ABCA3: variants seen among roughly 807,000 people sequenced by gnomAD.
ABCA3 encodes the protein ATP binding cassette subfamily A member 3.
Under a neutral mutation model 172.8 loss-of-function variants are expected in ABCA3, and 88 were observed. The observed-to-expected ratio is 0.51, with a 90% CI of 0.43 to 0.61. The LOEUF (loss-of-function observed/expected upper bound fraction) is 0.61, where lower values mean the gene tolerates loss of function less well. ABCA3 is among the 20% of genes least tolerant of loss of function. The probability of loss-of-function intolerance (pLI) is 0.00; values close to 1 mark genes in which losing one functional copy is unlikely to be tolerated. For synonymous variants in ABCA3, 1,066 were observed against 983.8 expected, an observed-to-expected ratio of 1.08 and a Z score of -1.56; for missense variants, 2,164 against 2,301.0, an observed-to-expected ratio of 0.94 and a Z score of 1.22.
chr16:2,284,827 G>A lies in ABCA3; in HGVS notation c.3655C>T (p.Leu1219=). ...AYTRLTIFNI[L]SGIATFLMVT... ...ATCAGGAAGGTGGCGATGCCTGACAGGATGTTGAAGATGGTCAGCCTCGTG... is the reference window on the plus strand; with the variant it reads ...ATCAGGAAGGTGGCGATGCCTGACAAGATGTTGAAGATGGTCAGCCTCGTG... The change falls in exon 24 of 33, where the codon CTG becomes TTG. Residue 1219 remains leucine (L), a synonymous_variant. Coordinates refer to ENST00000301732, the MANE Select transcript of ABCA3 (RefSeq NM_001089.3). This position sits in a 1 kb window ranked among gnomAD's most constrained non-coding sequence, Gnocchi z 5.9. The A allele has an allele frequency of 2.5e-6, 4 of 1,613,992 alleles. No individual in the cohort carries two copies. The highest frequency in any genetic ancestry group is 3.4e-6 in the Non-Finnish European group (4 of 1,179,988).
chr16:2,307,664 G>A (rs1475233664), intron 11 of ABCA3, among the ~76,000 whole-genome samples: 1 of 152,166 alleles, frequency 6.6e-6, no homozygotes, highest in Non-Finnish European at 1.5e-5. Context: ...GGAGTGCAGT[G>A]GTGCGATCTC....
At chr16:2,321,273 G>C (rs1038718954) in intron 7 of ABCA3, among the ~76,000 whole-genome samples, 3 of 152,058 alleles carry the variant, frequency 2.0e-5, no homozygotes, top group Non-Finnish European at 4.4e-5. Context: ...ACCTGTCAAG[G>C]GCATCGCTCT....
At chr16:2,313,963 C>A (rs1302369721) in intron 10 of ABCA3, among the ~76,000 whole-genome samples, 1 of 151,732 alleles carries the variant, frequency 6.6e-6, no homozygotes, top group Non-Finnish European at 1.5e-5. Flanking sequence ...AGGATGGCGA[C>A]TATAAAAAAC....
rs140086834 is a variant in ABCA3 at position 2,294,338 on chromosome 16, C to A, written c.2414+1252G>T. On this transcript the variant is annotated intron_variant, in intron 18 of 32. Coordinates refer to ENST00000301732, the MANE Select transcript of ABCA3 (RefSeq NM_001089.3). ...ACTATGCACAGCTGCGAAACACTTT[C>A]TAAGAATAAAATTAATAGAAGAAGT... Among the ~76,000 whole-genome samples, 40 of 152,048 alleles carry A rather than the reference C, an allele frequency of 2.6e-4. No homozygotes were observed. The East Asian group carries it at 7.6e-3, about 29-fold the overall frequency.
chr16:2,304,098 G>A lies in ABCA3; in HGVS notation c.1338C>T (p.Asp446=). The A allele has an allele frequency of 6.2e-7, 1 of 1,614,190 alleles. No homozygotes were observed. The highest frequency in any genetic ancestry group is 1.1e-5 in the South Asian group (1 of 91,084). The part of the protein sequence containing the change: ...DLLSPVNVDD[D]FCFGQVLGML... The stretch of plus-strand genomic sequence containing the variant: ...TCCCCAGCACCTGCCCGAAGCAGAA[G>A]TCGTCGTCCACGTTGACGGGACTCA... Residue 446 remains aspartate, a synonymous_variant, in exon 12 of 33, where the codon GAC becomes GAT. Transcript: ENST00000301732.
chr16:2,301,168 T>C (rs1323982753), intron 12 of ABCA3, among the ~76,000 whole-genome samples: 1 of 149,000 alleles, frequency 6.7e-6, no homozygotes, highest in Non-Finnish European at 1.5e-5. Flanking sequence ...GAGGCGGAGC[T>C]TGCAGTGAGC....
chr16:2,325,982 T>G (rs2093733614), intron 5 of ABCA3, 28 bp downstream of exon 5: 2 of 1,611,790 alleles, frequency 1.2e-6, no homozygotes, highest in Non-Finnish European at 8.5e-7. Context: ...CCACTAGGCC[T>G]GGCACCGAGA....
Position 2,323,823 on chromosome 16 carries a change from A to G in ABCA3, c.448-135T>C, listed in dbSNP as rs952916006. On this transcript the variant is annotated intron_variant, in intron 6 of 32. Transcript: ENST00000301732. Reference sequence around the variant, plus strand: ...ACTCCCCCGCCTCTGAGTATCTCCAACAGGCCCCGGAATGTCACACTGAGT... The same window carrying G: ...ACTCCCCCGCCTCTGAGTATCTCCAGCAGGCCCCGGAATGTCACACTGAGT... 3.6e-5 allele frequency: 38 copies of G among 1,041,948 alleles called. 1 individual carries two copies. Among genetic ancestry groups the G allele is most frequent in the Non-Finnish European group, 5.2e-5 (35 of 673,312 alleles). The allele number at this position is 1,041,948 out of a possible 1,614,324, so 64.5% of individuals were successfully genotyped here. A position where few individuals can be genotyped will look rare whatever the true frequency, so the allele number is the denominator to read the frequency against.
chr16:2,327,745 G>A (rs1023344612), intron 3 of ABCA3, among the ~76,000 whole-genome samples: 2 of 152,148 alleles, frequency 1.3e-5, no homozygotes, highest in African/African-American at 4.8e-5. Context: ...TTTGGAAACA[G>A]AGTCTTGCTC....
At chr16:2,298,742 A>G (rs2093684182) in intron 14 of ABCA3, among the ~76,000 whole-genome samples, 1 of 152,116 alleles carries the variant, frequency 6.6e-6, no homozygotes, top group Admixed American at 6.6e-5. Context: ...CAGCCCTGCC[A>G]CTGGGACGCA....
intron 3 of ABCA3, 138 bp from the exon 4 acceptor site, chr16:2,326,630 G>C: frequency 1.1e-6 from 1 of 929,596 alleles, no homozygotes; most frequent in Non-Finnish European, 1.7e-6. Flanking sequence ...AACACCCCTG[G>C]AGGGAAGGGT....
chr16:2,310,330 C>G (rs934134447), intron 10 of ABCA3, among the ~76,000 whole-genome samples: 23 of 151,712 alleles, frequency 1.5e-4, no homozygotes, highest in Non-Finnish European at 1.2e-4. Context: ...ATCGCTTGAA[C>G]CCGGGAGGTG....
chr16:2,323,563 T>C lies in ABCA3; in HGVS notation c.573A>G (p.Pro191=). Residue 191 remains proline (P), a synonymous_variant, in exon 7 of 33, where the codon CCA becomes CCG. Transcript: ENST00000301732. ...CAGGGGATGTAGGTTCCCTTGGTCC[T>C]GGGTTTGGGAAAAGCGGGAAAAGGG... is the stretch of plus-strand genomic sequence containing the variant. ...TTSLFPLFPN[P]GPREPTSPDG... is the part of the protein sequence containing the mutation. 1 of 1,614,156 alleles carries C rather than the reference T, an allele frequency of 6.2e-7. No homozygotes were observed. The highest frequency in any genetic ancestry group is 8.5e-7 in the Non-Finnish European group (1 of 1,180,010).
At chr16:2,335,028 C>T (rs1236040421) in intron 1 of ABCA3, among the ~76,000 whole-genome samples, 4 of 147,754 alleles carry the variant, frequency 2.7e-5, no homozygotes, top group Admixed American at 2.0e-4. Flanking sequence ...GGGGTTTCAC[C>T]ATGTTGGCCA....
chr16:2,317,516 G>GT, intron 9 of ABCA3, 113 bp from the exon 10 acceptor site: 1 of 1,577,744 alleles, frequency 6.3e-7, no homozygotes, highest in Non-Finnish European at 8.7e-7. Context: ...GTGGGACATT[G>GT]ACAGCTCCTC....
Position 2,319,834 on chromosome 16 carries a change from A to C in ABCA3, c.620T>G (p.Ile207Ser). 6.2e-7 allele frequency: 1 copy of C among 1,613,660 alleles called. No homozygotes were observed. Among genetic ancestry groups the C allele is most frequent in the Non-Finnish European group, 8.5e-7 (1 of 1,180,002 alleles). Residue 207 changes from isoleucine to serine, a missense_variant, in exon 8 of 33, where the codon ATC (isoleucine) becomes AGC (serine). Ile to Ser is a moderately radical substitution (Grantham distance 142). Transcript: ENST00000301732. ...CTGCACGGCCAGGAAGCCTTCCCGG[A>C]TGTACCCTGGGTGCGGGAGCAGAGG... Reference protein sequence around the residue: ...TSPDGGEPGYIREGFLAVQHA... With the variant: ...TSPDGGEPGYSREGFLAVQHA...
In ABCA3 at chr16:2,300,163, GACA is replaced by G; in HGVS notation, c.1468-18_1468-16del. 1 of 1,613,174 alleles carries G rather than the reference GACA, an allele frequency of 6.2e-7. No individual in the cohort carries two copies. Among genetic ancestry groups the G allele is most frequent in the African/African-American group, 1.3e-5 (1 of 74,738 alleles). ...CAATAGGAGGGCTGGGAGGGAAGCA[GACA>G]GCTGTCAGTTTGTTTTGTTTGTGAC... On this transcript the variant is annotated splice_polypyrimidine_tract_variant and intron_variant, in intron 12 of 32. Coordinates refer to ENST00000301732, the MANE Select transcript of ABCA3 (RefSeq NM_001089.3).
chr16:2,300,008 G>C lies in ABCA3; in HGVS notation c.1608C>G (p.Ser536=). ...LVAGIKIKHL[S]KVFRVGNKDR... ...CTGTCCCCACAGGAGGCGGCACCTT[G>C]GACAGGTGCTTGATCTTGATCCCCG... The change falls in exon 13 of 33, where the codon TCC becomes TCG. Residue 536 remains serine (S), a synonymous_variant. Transcript: ENST00000301732. 1 of 1,613,022 alleles carries C rather than the reference G, an allele frequency of 6.2e-7. No homozygotes were observed. The highest frequency in any genetic ancestry group is 8.5e-7 in the Non-Finnish European group (1 of 1,179,964).
At chr16:2,340,317 C>T (rs1169267741) in intron 1 of ABCA3, among the ~76,000 whole-genome samples, 3 of 152,040 alleles carry the variant, frequency 2.0e-5, no homozygotes, top group African/African-American at 7.2e-5. Context: ...GCGGGACACG[C>T]CCAAGGCTCG....
Sources: allele counts gnomAD v4.1 joint callset (sites outside exome capture counted in the v4.1 genomes callset), GRCh38; gene constraint gnomAD v4.1.1; non-coding constraint Gnocchi (gnomAD v3.1); transcripts MANE v1.5; gene names NCBI Gene and HGNC (gene_info 2026-07-23, HGNC 2026-07-21).